Variants in CALCRL observed in about 807,000 individuals in gnomAD.
CALCRL encodes calcitonin gene-related peptide type 1 receptor.
A neutral mutation model predicts 60.4 loss-of-function variants in CALCRL; 27 were observed. That is an observed-to-expected ratio of 0.45 (90% CI 0.33 to 0.62). The LOEUF (loss-of-function observed/expected upper bound fraction) is 0.62, where lower values mean the gene tolerates loss of function less well. CALCRL is among the 20% of genes least tolerant of loss of function. The pLI is 0.03. For missense variants in CALCRL, 424 were observed against 540.7 expected, an observed-to-expected ratio of 0.78 and a Z score of 2.14; for synonymous variants, 190 against 182.6, an observed-to-expected ratio of 1.04 and a Z score of -0.33.
rs200169749 is a variant in CALCRL at position 187,364,471 on chromosome 2, T to TG, written c.501-970_501-969insC. On this transcript the variant is annotated intron_variant, in intron 8 of 14. Transcript: ENST00000392370. The stretch of plus-strand genomic sequence containing the variant: ...AAAAATTTCATGATGTGTGTGTGTG[T>TG]TTTTTTTTTAAATATGCTATTAATA... 7.5e-3 allele frequency among the ~76,000 whole-genome samples: 1,126 copies of TG among 149,294 alleles called. 9 individuals carry two copies. The highest frequency in any genetic ancestry group is 0.026 in the African/African-American group (1,071 of 40,878).
intron 1 of CALCRL, among the ~76,000 whole-genome samples, chr2:187,443,178 T>C (rs1691004423): frequency 6.6e-6 from 1 of 151,828 alleles, no homozygotes; most frequent in African/African-American, 2.4e-5. Context: ...CAACTGTAAT[T>C]ATAAATCACA....
intron 1 of CALCRL, among the ~76,000 whole-genome samples, chr2:187,406,791 A>G (rs1574286222): frequency 6.6e-6 from 1 of 152,070 alleles, no homozygotes; most frequent in African/African-American, 2.4e-5. Context: ...TTTATTTCCT[A>G]CTAGAATAGG....
At chr2:187,399,826 CAT>C (rs200680428) in intron 1 of CALCRL, among the ~76,000 whole-genome samples, 822 of 151,426 alleles carry the variant, frequency 5.4e-3, no homozygotes, top group African/African-American at 0.019. Context: ...GACATTATGT[CAT>C]GTGAAATAAG....
intron 1 of CALCRL, among the ~76,000 whole-genome samples, chr2:187,432,770 GCAGT>G (rs1278705479): frequency 1.3e-5 from 2 of 152,058 alleles, no homozygotes; most frequent in Admixed American, 6.6e-5. Flanking sequence ...TTAGGATGTT[GCAGT>G]CAAAGATGGT....
chr2:187,352,520 T>C (rs12475425), intron 12 of CALCRL, among the ~76,000 whole-genome samples, 188 bp from the exon 13 acceptor site: 67,196 of 151,488 alleles, frequency 0.44, 15,883 homozygotes, highest in East Asian at 0.62. Context: ...AACAAGTACA[T>C]CAATTTTAAT....
chr2:187,355,223 A>G (rs1191507008), intron 12 of CALCRL, among the ~76,000 whole-genome samples: 1 of 152,036 alleles, frequency 6.6e-6, no homozygotes, highest in African/African-American at 2.4e-5. Flanking sequence ...AAAACAGAAA[A>G]CTTGCTCTGA....
In CALCRL at chr2:187,376,684, C is replaced by T. The variant is rs186431623; in HGVS notation, c.500+2256G>A. Reference sequence around the variant, plus strand: ...TTGACTTTAGGAAATTGGTGCAGGACTTTACTTATCTTTACTAAATTCTAA... The same window carrying T: ...TTGACTTTAGGAAATTGGTGCAGGATTTTACTTATCTTTACTAAATTCTAA... On this transcript the variant is annotated intron_variant, in intron 8 of 14. Transcript: ENST00000392370. Among the ~76,000 whole-genome samples the T allele has an allele frequency of 2.0e-5, 3 of 152,200 alleles. No homozygotes were observed. In the East Asian group the frequency reaches 5.8e-4, roughly 29 times the overall value.
At chr2:187,414,003 A>T (rs573077350) in intron 1 of CALCRL, among the ~76,000 whole-genome samples, 2 of 152,150 alleles carry the variant, frequency 1.3e-5, no homozygotes, top group African/African-American at 4.8e-5. Flanking sequence ...TTCATTTTAT[A>T]TCCTATATGT....
Position 187,436,146 on chromosome 2 carries a change from C to G in CALCRL, c.-293+11893G>C, listed in dbSNP as rs191603150. On this transcript the variant is annotated intron_variant, in intron 1 of 14. Coordinates refer to ENST00000392370, the MANE Select transcript of CALCRL (RefSeq NM_005795.6). The stretch of plus-strand genomic sequence containing the variant: ...AAGACAATCACTTGATTTAAACATG[C>G]GTCCTACTTACTGACTTATTTTGTT... 3.9e-5 allele frequency among the ~76,000 whole-genome samples: 6 copies of G among 152,138 alleles called. No individual in the cohort carries two copies. In the East Asian group the frequency reaches 9.7e-4, roughly 24 times the overall value.
At chr2:187,363,943 A>C (rs1687168091) in intron 8 of CALCRL, among the ~76,000 whole-genome samples, 1 of 152,190 alleles carries the variant, frequency 6.6e-6, no homozygotes, top group African/African-American at 2.4e-5. Flanking sequence ...TGTTCTGTTT[A>C]AATAAAACTG....
chr2:187,366,220 G>A (rs1287324202), intron 8 of CALCRL, among the ~76,000 whole-genome samples: 2 of 128,910 alleles, frequency 1.6e-5, no homozygotes, highest in Non-Finnish European at 3.1e-5. Flanking sequence ...TCCGCAGTCC[G>A]GCCTGGGCGA....
chr2:187,349,267 C>G (rs983674779), intron 14 of CALCRL, among the ~76,000 whole-genome samples: 1 of 151,546 alleles, frequency 6.6e-6, no homozygotes, highest in Non-Finnish European at 1.5e-5. Context: ...AATCCAAGCA[C>G]TTGTCAAGCC....
intron 1 of CALCRL, among the ~76,000 whole-genome samples, chr2:187,433,445 T>C (rs1690491332): frequency 6.6e-6 from 1 of 152,074 alleles, no homozygotes. Context: ...TGAACATGTA[T>C]TTACTACCTC....
intron 8 of CALCRL, among the ~76,000 whole-genome samples, chr2:187,373,714 C>A (rs1687627385): frequency 6.6e-6 from 1 of 152,188 alleles, no homozygotes; most frequent in Non-Finnish European, 1.5e-5. Context: ...CTGCCATTAT[C>A]TCAGCCTTTA....
intron 1 of CALCRL, among the ~76,000 whole-genome samples, chr2:187,431,925 C>A (rs1232579615): frequency 6.6e-6 from 1 of 151,966 alleles, no homozygotes; most frequent in African/African-American, 2.4e-5. Context: ...GGTATATGAG[C>A]AGTGGACCTG....
At chr2:187,445,835 A>G (rs931371517) in intron 1 of CALCRL, among the ~76,000 whole-genome samples, 4 of 151,540 alleles carry the variant, frequency 2.6e-5, no homozygotes, top group Non-Finnish European at 5.9e-5. Flanking sequence ...ACATGTTCGG[A>G]GTCACCAGTG....
chr2:187,403,639 G>C (rs79211132), intron 1 of CALCRL, among the ~76,000 whole-genome samples: 135 of 151,968 alleles, frequency 8.9e-4, no homozygotes, highest in African/African-American at 2.8e-3. Context: ...GGAACTAAAA[G>C]TACAAAGGCA....
intron 1 of CALCRL, among the ~76,000 whole-genome samples, chr2:187,428,152 T>C (rs1276893223): frequency 6.6e-6 from 1 of 152,130 alleles, no homozygotes; most frequent in Non-Finnish European, 1.5e-5. Flanking sequence ...ATAATAATAA[T>C]ATGAAAATCT....
intron 1 of CALCRL, among the ~76,000 whole-genome samples, chr2:187,436,322 A>G (rs1460308615): frequency 6.6e-6 from 1 of 152,192 alleles, no homozygotes; most frequent in East Asian, 1.9e-4. Context: ...TGGTAGGTTC[A>G]GAATAAGTAG....
Sources: gnomAD v4.1 joint callset for allele counts (sites outside exome capture counted in the v4.1 genomes callset) on GRCh38, gnomAD v4.1.1 for gene constraint, MANE v1.5 for transcripts, NCBI Gene and HGNC (gene_info 2026-07-23, HGNC 2026-07-21) for gene names.